LARS1: variants seen among roughly 807,000 people sequenced by gnomAD.
The protein encoded by LARS1 is leucine--tRNA ligase, cytoplasmic.
A neutral mutation model predicts 162.8 loss-of-function variants in LARS1; 100 were observed. That is an observed-to-expected ratio of 0.61 (90% confidence interval 0.52 to 0.73). LARS1 has a LOEUF of 0.73. Among genes scored for constraint, LARS1 ranks in the 30% least tolerant of loss-of-function variants. The pLI is 0.00. For synonymous variants in LARS1, 457 were observed against 462.8 expected, an observed-to-expected ratio of 0.99 and a Z score of 0.16; for missense variants, 1,258 against 1,408.9, an observed-to-expected ratio of 0.89 and a Z score of 1.71.
chr5:146,161,132 TAA>T (rs1471982181), intron 6 of LARS1, among the ~76,000 whole-genome samples: 1 of 152,230 alleles, frequency 6.6e-6, no homozygotes, highest in African/African-American at 2.4e-5. Flanking sequence ...AAGTGTGCAA[TAA>T]AGTTATATTT....
chr5:146,121,854 G>A (rs116294253), intron 30 of LARS1, among the ~76,000 whole-genome samples: 4,668 of 152,050 alleles, frequency 0.031, 92 homozygotes, highest in Non-Finnish European at 0.043. Flanking sequence ...AAGGGATAGC[G>A]TTAAGAGAAA....
At chr5:146,151,799 T>C in intron 14 of LARS1, 63 bp downstream of exon 14, 1 of 1,428,534 alleles carries the variant, frequency 7.0e-7, no homozygotes, top group East Asian at 2.3e-5. Flanking sequence ...ACATTTTTTC[T>C]AATTAAGAAA....
intron 14 of LARS1, among the ~76,000 whole-genome samples, chr5:146,151,377 T>C (rs1025381567): frequency 2.0e-5 from 3 of 152,166 alleles, no homozygotes; most frequent in Non-Finnish European, 2.9e-5. Flanking sequence ...CTTCTTTCCA[T>C]GGAAATATAA....
chr5:146,121,728 A>T (rs1397718788), intron 30 of LARS1, among the ~76,000 whole-genome samples: 1 of 152,212 alleles, frequency 6.6e-6, no homozygotes, highest in African/African-American at 2.4e-5. Context: ...ACACAGGAAC[A>T]GAAAACCAAA....
intron 5 of LARS1, among the ~76,000 whole-genome samples, chr5:146,167,479 C>A (rs902524399): frequency 1.3e-4 from 20 of 151,914 alleles, no homozygotes; most frequent in African/African-American, 4.8e-4. Context: ...TCTGGGCTCA[C>A]TGCAAGCTCC....
In LARS1 at chr5:146,140,228, T is replaced by C. The variant is rs761668687; in HGVS notation, c.2124A>G (p.Gly708=). The C allele has an allele frequency of 4.3e-6, 7 of 1,612,040 alleles. No individual in the cohort carries two copies. The Admixed American group carries it at 1.2e-4, about 27-fold the overall frequency. The change falls in exon 21 of 32, where the codon GGA becomes GGG. Residue 708 remains glycine, a synonymous_variant. Coordinates refer to ENST00000394434, the MANE Select transcript of LARS1 (RefSeq NM_020117.11). ...DKWPTAVRAN[G]HLLLNSEKMS... ...CCTTCTCAGAGTTCAGGAGGAGATGTCCATTTGCTCTCACAGCTGTAGGCC... is the reference window on the plus strand; with the variant it reads ...CCTTCTCAGAGTTCAGGAGGAGATGCCCATTTGCTCTCACAGCTGTAGGCC...
chr5:146,153,640 A>C (rs1561818769), intron 12 of LARS1, 94 bp downstream of exon 12: 1 of 895,944 alleles, frequency 1.1e-6, no homozygotes, highest in East Asian at 2.6e-5. Flanking sequence ...AGATAAATGC[A>C]TAGCTTTTTA....
intron 22 of LARS1, among the ~76,000 whole-genome samples, chr5:146,134,787 A>G (rs923149622): frequency 2.0e-5 from 3 of 152,178 alleles, no homozygotes; most frequent in African/African-American, 7.2e-5. Context: ...CGTCTCTACT[A>G]GAAATACAAA....
rs1042825288 is a variant in LARS1 at position 146,131,106 on chromosome 5, T to C, written c.2400A>G (p.Glu800=). 2 of 1,522,152 alleles carry C rather than the reference T, an allele frequency of 1.3e-6. No individual in the cohort carries two copies. Among genetic ancestry groups the C allele is most frequent in the Non-Finnish European group, 1.8e-6 (2 of 1,108,050 alleles). The allele number at this position is 1,522,152 out of a possible 1,614,324, so 94.3% of individuals were successfully genotyped here. A position where few individuals can be genotyped will look rare whatever the true frequency, so the allele number is the denominator to read the frequency against. The change falls in exon 24 of 32, where the codon GAA becomes GAG. Residue 800 remains glutamate, a synonymous_variant. Transcript: ENST00000394434. Reference sequence around the variant, plus strand: ...CTGTTTTTATAATTCCTGCATTCAATTCACTATTGAATACGGGGAAAAAAA... The same window carrying C: ...CTGTTTTTATAATTCCTGCATTCAACTCACTATTGAATACGGGGAAAAAAA... ...STFNDRVFAS[E]LNAGIIKTDQ... is the part of the protein sequence containing the mutation.
chr5:146,176,790 A>G (rs1171040051), intron 2 of LARS1, among the ~76,000 whole-genome samples: 2 of 152,190 alleles, frequency 1.3e-5, no homozygotes, highest in Non-Finnish European at 2.9e-5. Flanking sequence ...TATTTATGAA[A>G]TAATATCTTC....
In LARS1 at chr5:146,157,812, T is replaced by C. The variant is rs369833316; in HGVS notation, c.772-17A>G. ...TCCAACACCCTAAGCAAATAAACGATACAAAAATTTGAAGGAAAAAAAAGA... is the reference window on the plus strand; with the variant it reads ...TCCAACACCCTAAGCAAATAAACGACACAAAAATTTGAAGGAAAAAAAAGA... On this transcript the variant is annotated splice_polypyrimidine_tract_variant and intron_variant, in intron 8 of 31. Coordinates refer to ENST00000394434, the MANE Select transcript of LARS1 (RefSeq NM_020117.11). 47 of 1,612,036 alleles carry C rather than the reference T, an allele frequency of 2.9e-5. No homozygotes were observed. The highest frequency in any genetic ancestry group is 4.0e-5 in the African/African-American group (3 of 74,852).
At chr5:146,149,735 AAC>A in intron 14 of LARS1, 36 bp from the exon 15 acceptor site, 1 of 1,452,718 alleles carries the variant, frequency 6.9e-7, no homozygotes, top group Non-Finnish European at 9.6e-7. Flanking sequence ...CCACATATAA[AAC>A]AGTTAGAATC....
In LARS1 at chr5:146,153,217, G is replaced by A. The variant is rs1025028953; in HGVS notation, c.1241C>T (p.Ala414Val). Residue 414 changes from alanine to valine, a missense_variant, in exon 13 of 32, where the codon GCA becomes GTA. Transcript: ENST00000394434. ...RDLKKKQALR[A>V]KYGIRDDMVL... ...CATGTCATCTCTAATTCCATATTTT[G>A]CTCGTAAGGCCTACAGAAAAATTTG... 15 of 1,612,328 alleles carry A rather than the reference G, an allele frequency of 9.3e-6. No homozygotes were observed. The highest frequency in any genetic ancestry group is 2.7e-5 in the African/African-American group (2 of 74,860).
In LARS1 at chr5:146,144,685, G is replaced by C. The variant is rs1752936862; in HGVS notation, c.1528C>G (p.Pro510Ala). The C allele has an allele frequency of 2.5e-6, 4 of 1,613,716 alleles. No homozygotes were observed. In the East Asian group the frequency reaches 6.7e-5, roughly 27 times the overall value. ...GACCTGGACATCACTTGTTTCTCTG[G>C]TTCCATGTAAATAAGTGCATCTCCC... is the stretch of plus-strand genomic sequence containing the variant. ...DAGDALIYME[P>A]EKQVMSRSSD... Residue 510 changes from proline to alanine, a missense_variant, in exon 16 of 32, where the codon CCA becomes GCA. Transcript: ENST00000394434.
At position 146,150,154 on chromosome 5, in the gene LARS1, C is replaced by T. The variant is rs115981984; in HGVS notation, c.1426-455G>A. Among the ~76,000 whole-genome samples the T allele has an allele frequency of 2.3e-3, 332 of 142,006 alleles. 3 individuals carry two copies. Among genetic ancestry groups the T allele is most frequent in the African/African-American group, 8.0e-3 (322 of 40,280 alleles). 93.2% of individuals were successfully genotyped at this position (142,006 alleles called of 152,430 possible). ...ATAAAGCTTGCTCTTAGAAGGAGGC[C>T]TACTCTTTCACCTCTATCTTTTTCA... On this transcript the variant is annotated intron_variant, in intron 14 of 31. Transcript: ENST00000394434.
intron 2 of LARS1, among the ~76,000 whole-genome samples, chr5:146,176,469 A>G (rs1264595941): frequency 1.3e-5 from 2 of 149,604 alleles, no homozygotes; most frequent in Non-Finnish European, 1.5e-5. Context: ...AAAAAAAAAG[A>G]AAGAAAGAAA....
intron 1 of LARS1, among the ~76,000 whole-genome samples, chr5:146,178,721 T>C (rs533229299): frequency 6.6e-6 from 1 of 152,226 alleles, no homozygotes; most frequent in Non-Finnish European, 1.5e-5. Flanking sequence ...CAACTGTTCA[T>C]CCCTTTCCAT....
intron 1 of LARS1, among the ~76,000 whole-genome samples, chr5:146,178,309 T>G (rs1208992149): frequency 6.6e-6 from 1 of 151,842 alleles, no homozygotes; most frequent in Non-Finnish European, 1.5e-5. Context: ...AAAGAACTGT[T>G]CATATGAAAT....
rs11957199 is a variant in LARS1 at position 146,116,437 on chromosome 5, C to T, written c.3326-2126G>A. Among the ~76,000 whole-genome samples the T allele has an allele frequency of 4.5e-3, 683 of 152,278 alleles. 8 individuals carry two copies. The highest frequency in any genetic ancestry group is 0.016 in the African/African-American group (656 of 41,558). ...CAAGCAATTCTGAATCAAACTAGTTCAAAGAAACCTTAATACTCAATCAGG... is the reference window on the plus strand; with the variant it reads ...CAAGCAATTCTGAATCAAACTAGTTTAAAGAAACCTTAATACTCAATCAGG... On this transcript the variant is annotated intron_variant, in intron 31 of 31. Coordinates refer to ENST00000394434, the MANE Select transcript of LARS1 (RefSeq NM_020117.11).
Sources: gnomAD v4.1 joint callset for allele counts (sites outside exome capture counted in the v4.1 genomes callset) on GRCh38, gnomAD v4.1.1 for gene constraint, MANE v1.5 for transcripts, NCBI Gene and HGNC (gene_info 2026-07-23, HGNC 2026-07-21) for gene names.